PLEKHA5: variants seen among roughly 807,000 people sequenced by gnomAD.
The protein encoded by PLEKHA5 is pleckstrin homology domain-containing family A member 5.
PLEKHA5 carries 55 observed loss-of-function variants against 181.9 expected under a neutral mutation model. The ratio of observed to expected loss-of-function variants is 0.30; its 90% confidence interval spans 0.24 to 0.38. PLEKHA5 has a LOEUF of 0.38. PLEKHA5 is among the 10% of genes least tolerant of loss of function. The probability of loss-of-function intolerance (pLI) is 1.00; values close to 1 mark genes in which losing one functional copy is unlikely to be tolerated. For missense variants in PLEKHA5, 1,432 were observed against 1,549.5 expected (o/e 0.92, Z 1.27); for synonymous variants, 535 against 529.4 (o/e 1.01, Z -0.15).
At chr12:19,302,234 A>G (rs2081685141) in intron 15 of PLEKHA5, among the ~76,000 whole-genome samples, 1 of 152,200 alleles carries the variant, frequency 6.6e-6, no homozygotes, top group African/African-American at 2.4e-5. Flanking sequence ...ACAGCAAGAG[A>G]TGGGTCTTCT....
At chr12:19,141,731 G>T (rs945536591) in intron 3 of PLEKHA5, among the ~76,000 whole-genome samples, 1 of 152,110 alleles carries the variant, frequency 6.6e-6, no homozygotes, top group Non-Finnish European at 1.5e-5. Flanking sequence ...TCCTGAGCAA[G>T]TGAGTTTGAA....
chr12:19,361,385 G>A (rs1402114809), intron 28 of PLEKHA5, among the ~76,000 whole-genome samples, 197 bp from the exon 29 acceptor site: 4 of 150,538 alleles, frequency 2.7e-5, no homozygotes, highest in Non-Finnish European at 3.0e-5. Flanking sequence ...GTGTTTCACC[G>A]TGTTAGCCAG....
At chr12:19,276,054 C>A (rs1034489245) in intron 11 of PLEKHA5, among the ~76,000 whole-genome samples, 7 of 152,132 alleles carry the variant, frequency 4.6e-5, no homozygotes, top group Admixed American at 2.6e-4. Flanking sequence ...CTAGGAAAAC[C>A]TTTGTAGAGG....
chr12:19,129,736 C>T lies in PLEKHA5; in HGVS notation c.-64C>T, dbSNP rs28512290. 911,467 of 1,290,668 alleles carry T rather than the reference C, an allele frequency of 0.71. 336,558 individuals are homozygous for T. Among genetic ancestry groups the T allele is most frequent in the Non-Finnish European group, 0.77 (706,862 of 912,862 alleles). The allele number at this position is 1,290,668 out of a possible 1,614,324, so 80.0% of individuals were successfully genotyped here. The stretch of plus-strand genomic sequence containing the variant: ...TCCGCGCTCCCTTCGCTCGCTCGTT[C>T]CCTCCTCCCTCGGCAGCCGCGGCGG... On this transcript the variant is annotated 5_prime_UTR_variant, in exon 1 of 32. Transcript: ENST00000429027.
chr12:19,186,556 A>C (rs1231510659), intron 3 of PLEKHA5, among the ~76,000 whole-genome samples: 2 of 152,230 alleles, frequency 1.3e-5, no homozygotes, highest in Non-Finnish European at 1.5e-5. Context: ...AATAATGCCA[A>C]CTACTTTCTA....
chr12:19,166,831 T>A (rs1206268560), intron 3 of PLEKHA5, among the ~76,000 whole-genome samples: 1 of 152,260 alleles, frequency 6.6e-6, no homozygotes, highest in Non-Finnish European at 1.5e-5. Context: ...ACCTTTGATT[T>A]GTCAATCTTT....
Position 19,356,058 on chromosome 12 carries a change from G to A in PLEKHA5, c.3138+2056G>A, listed in dbSNP as rs190065581. 6.0e-4 allele frequency among the ~76,000 whole-genome samples: 91 copies of A among 151,938 alleles called. No individual in the cohort carries two copies. The Middle Eastern group carries it at 0.014, about 23-fold the overall frequency. On this transcript the variant is annotated intron_variant, in intron 26 of 31. Coordinates refer to ENST00000429027, the MANE Select transcript of PLEKHA5 (RefSeq NM_001256470.2). ...CAGGCACCTGTAGTCTCAGCTACTC[G>A]GGAGGCTGAGGCATAAGAATTACTT...
At chr12:19,221,605 A>G (rs951563914) in intron 3 of PLEKHA5, among the ~76,000 whole-genome samples, 3 of 152,114 alleles carry the variant, frequency 2.0e-5, no homozygotes, top group African/African-American at 7.2e-5. Flanking sequence ...ACAAAAAGTA[A>G]AACCCGACCG....
intron 3 of PLEKHA5, among the ~76,000 whole-genome samples, chr12:19,210,692 A>G (rs886390940): frequency 1.3e-5 from 2 of 152,234 alleles, no homozygotes; most frequent in Non-Finnish European, 2.9e-5. Context: ...CTTTGAGGTC[A>G]CATTGTCAGA....
At chr12:19,329,915 A>G (rs1470192623) in intron 20 of PLEKHA5, among the ~76,000 whole-genome samples, 1 of 149,528 alleles carries the variant, frequency 6.7e-6, no homozygotes, top group Non-Finnish European at 1.5e-5. Context: ...CATCTCTACA[A>G]AAAAAAAAGC....
chr12:19,173,809 A>G lies in PLEKHA5; in HGVS notation c.227+41359A>G, dbSNP rs186014990. Reference sequence around the variant, plus strand: ...TTGAATTTGGCCAGGTCTCATGCGGATGATAGTGGTCTAGATAGTTCATGT... The same window carrying G: ...TTGAATTTGGCCAGGTCTCATGCGGGTGATAGTGGTCTAGATAGTTCATGT... On this transcript the variant is annotated intron_variant, in intron 3 of 31. Coordinates refer to ENST00000429027, the MANE Select transcript of PLEKHA5 (RefSeq NM_001256470.2). 2.6e-5 allele frequency among the ~76,000 whole-genome samples: 4 copies of G among 152,318 alleles called. No homozygotes were observed. In the East Asian group the frequency reaches 5.8e-4, roughly 22 times the overall value.
chr12:19,359,675 G>A (rs1214019756), intron 28 of PLEKHA5, 129 bp downstream of exon 28: 1 of 969,308 alleles, frequency 1.0e-6, no homozygotes, highest in East Asian at 2.6e-5. Context: ...GAAAAAATAA[G>A]CTTTCTGGCC....
chr12:19,246,355 T>A (rs554241389), intron 3 of PLEKHA5, among the ~76,000 whole-genome samples: 1 of 151,156 alleles, frequency 6.6e-6, no homozygotes, highest in Non-Finnish European at 1.5e-5. Flanking sequence ...CTGGGTGCGG[T>A]GGCTCACGCC....
intron 20 of PLEKHA5, among the ~76,000 whole-genome samples, chr12:19,334,829 A>AAAAAAAATATATATAT: frequency 5.4e-5 from 1 of 18,600 alleles, no homozygotes; most frequent in Non-Finnish European, 1.4e-4. Flanking sequence ...AAAAAAAAAA[A>AAAAAAAATATATATAT]ATATATATAT....
At chr12:19,282,015 C>G (rs559783124) in intron 11 of PLEKHA5, among the ~76,000 whole-genome samples, 1 of 152,274 alleles carries the variant, frequency 6.6e-6, no homozygotes, top group East Asian at 1.9e-4. Context: ...ATCTCCTGAC[C>G]TCTTGATCCG....
intron 3 of PLEKHA5, among the ~76,000 whole-genome samples, chr12:19,171,257 T>A (rs1408341549): frequency 6.6e-6 from 1 of 152,172 alleles, no homozygotes; most frequent in African/African-American, 2.4e-5. Context: ...ATTTACATTC[T>A]GTGACAAGAC....
intron 13 of PLEKHA5, among the ~76,000 whole-genome samples, chr12:19,288,950 T>C (rs1438879916): frequency 1.3e-5 from 2 of 152,208 alleles, no homozygotes; most frequent in Non-Finnish European, 2.9e-5. Context: ...AATCTCTTAG[T>C]CTGTTTAGCT....
intron 3 of PLEKHA5, among the ~76,000 whole-genome samples, chr12:19,245,139 G>A (rs1268471483): frequency 2.0e-5 from 3 of 152,198 alleles, no homozygotes; most frequent in Non-Finnish European, 4.4e-5. Context: ...CCCAAAGCAA[G>A]AAACTAGTAA....
At chr12:19,262,726 T>A (rs2068880934) in intron 7 of PLEKHA5, among the ~76,000 whole-genome samples, 1 of 152,162 alleles carries the variant, frequency 6.6e-6, no homozygotes, top group Non-Finnish European at 1.5e-5. Flanking sequence ...CAGTAGACAC[T>A]GGGGAGCACA....
Sources: allele counts gnomAD v4.1 joint callset (sites outside exome capture counted in the v4.1 genomes callset), GRCh38; gene constraint gnomAD v4.1.1; transcripts MANE v1.5; gene names NCBI Gene and HGNC (gene_info 2026-07-23, HGNC 2026-07-21).